The following CTPS2 variants were observed in gnomAD, a reference collection of about 807,000 sequenced individuals.
The protein encoded by CTPS2 is CTP synthase II.
A neutral mutation model predicts 46.8 loss-of-function variants in CTPS2; 19 were observed. The ratio of observed to expected loss-of-function variants is 0.41; its 90% CI spans 0.28 to 0.60. The LOEUF is 0.60. Ranked by LOEUF, CTPS2 falls within the 20% of genes least tolerant of loss-of-function variation. The pLI is 0.35. For missense variants in CTPS2, 286 were observed against 447.6 expected (o/e 0.64, Z 3.26); for synonymous variants, 151 against 165.2 (o/e 0.91, Z 0.66).
At chrX:16,614,605 A>G (rs111521163) in intron 16 of CTPS2, among the ~76,000 whole-genome samples, 2,829 of 112,536 alleles carry the variant, frequency 0.025, 92 homozygotes, top group African/African-American at 0.087. Context: ...CATCTCTGCC[A>G]TGGTAGCATA....
intron 14 of CTPS2, among the ~76,000 whole-genome samples, chrX:16,623,917 C>A (rs1930985164): frequency 9.6e-6 from 1 of 103,975 alleles, no homozygotes; most frequent in African/African-American, 3.6e-5. Flanking sequence ...AAGCAATTCT[C>A]CTGCCTCAGC....
At chrX:16,592,357 C>T (rs919469342) in intron 17 of CTPS2, among the ~76,000 whole-genome samples, 3 of 112,336 alleles carry the variant, frequency 2.7e-5, no homozygotes, top group African/African-American at 9.7e-5. Context: ...CTTTTCTCCC[C>T]TCTAGCAACA....
intron 13 of CTPS2, among the ~76,000 whole-genome samples, chrX:16,646,350 C>A (rs950929615): frequency 1.8e-5 from 2 of 112,324 alleles, no homozygotes; most frequent in East Asian, 5.6e-4. Context: ...CCAACAGCAT[C>A]CACTTCATAA....
chrX:16,604,052 G>A (rs1046318133), intron 17 of CTPS2, among the ~76,000 whole-genome samples: 2 of 111,204 alleles, frequency 1.8e-5, no homozygotes, highest in Non-Finnish European at 3.8e-5. Context: ...AAGTAGTTTC[G>A]GCTTTTGGGT....
chrX:16,597,826 G>A (rs1440275781), intron 17 of CTPS2, among the ~76,000 whole-genome samples: 47 of 109,419 alleles, frequency 4.3e-4, no homozygotes, highest in African/African-American at 1.5e-3. Context: ...CTACCCATGA[G>A]CATGGAATGT....
chrX:16,688,228 G>A (rs1923402441), intron 8 of CTPS2, among the ~76,000 whole-genome samples: 1 of 110,679 alleles, frequency 9.0e-6, no homozygotes. Context: ...TGAAACCCCC[G>A]TCTCTACTAA....
chrX:16,658,728 T>C (rs1186137719), intron 13 of CTPS2, among the ~76,000 whole-genome samples: 1 of 112,458 alleles, frequency 8.9e-6, no homozygotes, highest in Non-Finnish European at 1.9e-5. Context: ...ACTGTTTTGT[T>C]CACGATGGTG....
chrX:16,624,670 A>C (rs1434863787), intron 14 of CTPS2, among the ~76,000 whole-genome samples: 1 of 112,295 alleles, frequency 8.9e-6, no homozygotes, highest in Non-Finnish European at 1.9e-5. Context: ...CCACGTTCCT[A>C]AGAGCAGTCC....
At chrX:16,700,796 TCTC>T (rs1480086024) in intron 2 of CTPS2, among the ~76,000 whole-genome samples, 3 of 111,452 alleles carry the variant, frequency 2.7e-5, no homozygotes, top group Non-Finnish European at 5.6e-5. Context: ...ACCAGGCTGT[TCTC>T]ATGGTAGAGG....
intron 17 of CTPS2, among the ~76,000 whole-genome samples, chrX:16,607,895 T>A (rs1228834527): frequency 8.9e-6 from 1 of 112,940 alleles, no homozygotes; most frequent in African/African-American, 3.2e-5. Flanking sequence ...AAATAAACTC[T>A]CCCCAAACTA....
intron 14 of CTPS2, among the ~76,000 whole-genome samples, chrX:16,632,582 C>T (rs766480149): frequency 9.1e-6 from 1 of 110,061 alleles, no homozygotes; most frequent in East Asian, 2.9e-4. Context: ...CCACACCATG[C>T]CCGGCTAATT....
chrX:16,640,255 T>TC (rs1168203933), intron 13 of CTPS2, among the ~76,000 whole-genome samples: 3 of 111,375 alleles, frequency 2.7e-5, no homozygotes, highest in Non-Finnish European at 5.7e-5. Context: ...TCTCCTTTCC[T>TC]CCCGCCGTGG....
At chrX:16,679,529 G>C (rs926907065) in intron 9 of CTPS2, among the ~76,000 whole-genome samples, 1 of 111,077 alleles carries the variant, frequency 9.0e-6, no homozygotes, top group Non-Finnish European at 1.9e-5. Context: ...GGCAAGGGAC[G>C]AGGCTGAGAA....
At chrX:16,640,905 C>T (rs1421788728) in intron 13 of CTPS2, among the ~76,000 whole-genome samples, 1 of 111,800 alleles carries the variant, frequency 8.9e-6, no homozygotes, top group African/African-American at 3.3e-5. Flanking sequence ...ACTTTCCGAG[C>T]CATCTGAACA....
At chrX:16,684,681 T>C (rs755201055) in intron 8 of CTPS2, among the ~76,000 whole-genome samples, 2 of 110,380 alleles carry the variant, frequency 1.8e-5, no homozygotes, top group Admixed American at 1.9e-4. Context: ...TGATAAAAGG[T>C]CACTAAAAGG....
At position 16,672,885 on chromosome X, in the gene CTPS2, T is replaced by G. The variant is rs937312324; in HGVS notation, c.1095-2211A>C. Among the ~76,000 whole-genome samples the G allele has an allele frequency of 2.6e-4, 23 of 88,787 alleles. No individual in the cohort carries two copies. In the East Asian group the frequency reaches 6.7e-3, roughly 26 times the overall value. 77.1% of individuals were successfully genotyped at this position (88,787 alleles called of 115,157 possible). A position where few individuals can be genotyped will look rare whatever the true frequency, so the allele number is the denominator to read the frequency against. ...AAAAGGATTTGTGAGGCTACTCTTT[T>G]TTTTTTTTTTTTTTTTTTTGAGACG... is the stretch of plus-strand genomic sequence containing the variant. On this transcript the variant is annotated intron_variant, in intron 10 of 18. Transcript: ENST00000359276.
chrX:16,689,090 C>A (rs1337846212), intron 8 of CTPS2, among the ~76,000 whole-genome samples: 5 of 110,756 alleles, frequency 4.5e-5, no homozygotes, highest in African/African-American at 1.6e-4. Flanking sequence ...CAGAGCAAGA[C>A]TCTCAAAAAA....
intron 13 of CTPS2, chrX:16,654,483 G>A: frequency 8.4e-7 from 1 of 1,188,063 alleles, no homozygotes. Context: ...AGAATTCCAA[G>A]TATTAGTAAA....
intron 17 of CTPS2, among the ~76,000 whole-genome samples, chrX:16,607,774 C>G (rs1930054242): frequency 1.8e-5 from 2 of 112,868 alleles, no homozygotes; most frequent in Non-Finnish European, 3.7e-5. Context: ...TTCTGAACAA[C>G]ATATATCTGG....
Sources: gnomAD v4.1 joint callset for allele counts (sites outside exome capture counted in the v4.1 genomes callset) on GRCh38, gnomAD v4.1.1 for gene constraint, MANE v1.5 for transcripts, NCBI Gene and HGNC (gene_info 2026-07-23, HGNC 2026-07-21) for gene names.